The following TTC9C variants were observed in gnomAD, a reference collection of about 807,000 sequenced individuals.
TTC9C encodes tetratricopeptide repeat protein 9C.
In TTC9C, 15 loss-of-function variants were observed where a neutral mutation model predicts 22.5. The observed-to-expected ratio is 0.67, with a 90% CI of 0.45 to 1.03. The LOEUF (loss-of-function observed/expected upper bound fraction) is 1.03, where lower values mean the gene tolerates loss of function less well. Among genes scored for constraint, TTC9C ranks in the 50% least tolerant of loss-of-function variants. The pLI is 0.00. For synonymous variants in TTC9C, 92 were observed against 86.8 expected, an observed-to-expected ratio of 1.06 and a Z score of -0.33; for missense variants, 244 against 214.6, an observed-to-expected ratio of 1.14 and a Z score of -0.86.
At chr11:62,733,686 T>C (rs2083878097) in intron 1 of TTC9C, among the ~76,000 whole-genome samples, 1 of 151,852 alleles carries the variant, frequency 6.6e-6, no homozygotes, top group South Asian at 2.1e-4. Flanking sequence ...TCACTGCATA[T>C]CTAATTTTAT....
At chr11:62,734,562 T>C (rs2083888951) in intron 1 of TTC9C, among the ~76,000 whole-genome samples, 1 of 152,186 alleles carries the variant, frequency 6.6e-6, no homozygotes. Context: ...GCCTAGCTGA[T>C]GAGTGAGACT....
intron 2 of TTC9C, chr11:62,735,785 G>A (rs1237799107): frequency 3.0e-6 from 2 of 668,194 alleles, no homozygotes; most frequent in Non-Finnish European, 4.5e-6. Context: ...TTCATGTGTA[G>A]GGGGTTGATG....
chr11:62,731,729 G>A (rs988767134), intron 1 of TTC9C, among the ~76,000 whole-genome samples: 2 of 149,414 alleles, frequency 1.3e-5, no homozygotes, highest in Non-Finnish European at 3.0e-5. Context: ...TTGCTCTGTC[G>A]CCCAGGCTGG....
At chr11:62,735,361 T>G in intron 1 of TTC9C, 21 bp from the exon 2 acceptor site, 1 of 1,612,034 alleles carries the variant, frequency 6.2e-7, no homozygotes, top group Non-Finnish European at 8.5e-7. Flanking sequence ...ACCTCTTCTC[T>G]CTTTTCATTT....
upstream of TTC9C, chr11:62,728,411 T>G (rs990630198): frequency 1.4e-5 from 6 of 414,532 alleles, no homozygotes; most frequent in Non-Finnish European, 2.4e-5. Context: ...CCCTCTGGAG[T>G]TTTAGCACTA....
chr11:62,738,331 C>A lies in TTC9C; in HGVS notation c.465C>A (p.Leu155=), dbSNP rs370287774. 12 of 1,613,258 alleles carry A rather than the reference C, an allele frequency of 7.4e-6. No individual in the cohort carries two copies. Among genetic ancestry groups the A allele is most frequent in the Non-Finnish European group, 1.0e-5 (12 of 1,179,572 alleles). The change falls in exon 3 of 3, where the codon CTC becomes CTA. Residue 155 remains leucine, a synonymous_variant. Transcript: ENST00000316461. ...RRYLQLTQSE[L]SSYHRKEKQL... ...ACCTCCAGCTGACACAGTCAGAACT[C>A]AGCAGCTACCATAGAAAAGAGAAGC... is the stretch of plus-strand genomic sequence containing the variant.
At chr11:62,730,989 A>T (rs961195725) in intron 1 of TTC9C, among the ~76,000 whole-genome samples, 2 of 151,882 alleles carry the variant, frequency 1.3e-5, no homozygotes, top group African/African-American at 4.8e-5. Context: ...TCCAGGTTCA[A>T]GCGATTCTCC....
intron 1 of TTC9C, among the ~76,000 whole-genome samples, chr11:62,733,584 T>G (rs966524246): frequency 9.9e-5 from 15 of 152,254 alleles, no homozygotes; most frequent in Non-Finnish European, 2.2e-4. Flanking sequence ...GTTAGTTTGT[T>G]TTTTAAAAAA....
chr11:62,732,483 G>C (rs1238269463), intron 1 of TTC9C, among the ~76,000 whole-genome samples: 2 of 152,064 alleles, frequency 1.3e-5, no homozygotes, highest in East Asian at 1.9e-4. Context: ...GGTGGTGCAT[G>C]CCTGTAATCG....
chr11:62,728,758 T>C lies in TTC9C; in HGVS notation c.-91T>C. 7.8e-7 allele frequency: 1 copy of C among 1,274,840 alleles called. No individual in the cohort carries two copies. Among genetic ancestry groups the C allele is most frequent in the East Asian group, 2.4e-5 (1 of 42,396 alleles). 79.0% of individuals were successfully genotyped at this position (1,274,840 alleles called of 1,614,324 possible). A position where few individuals can be genotyped will look rare whatever the true frequency, so the allele number is the denominator to read the frequency against. ...AAGGGTAATTTCCTGCCTCCTTAAA[T>C]TGGCTGCTACTGTCAGTTATTTTGC... On this transcript the variant is annotated 5_prime_UTR_variant, in exon 1 of 3. Transcript: ENST00000316461.
chr11:62,728,713 TG>T lies in TTC9C; in HGVS notation c.-130del. The T allele has an allele frequency of 3.6e-6, 3 of 841,954 alleles. No homozygotes were observed. Among genetic ancestry groups the T allele is most frequent in the South Asian group, 1.4e-5 (1 of 69,792 alleles). 52.2% of individuals were successfully genotyped at this position (841,954 alleles called of 1,614,324 possible). ...GAAACAAGCAAACCGCAGGTCCCTG[TG>T]GGGGGACTCTCCAGGAAGAAGGGTA... On this transcript the variant is annotated 5_prime_UTR_variant, in exon 1 of 3. Coordinates refer to ENST00000316461, the MANE Select transcript of TTC9C (RefSeq NM_173810.4).
At chr11:62,731,109 G>T (rs951724098) in intron 1 of TTC9C, among the ~76,000 whole-genome samples, 1 of 145,204 alleles carries the variant, frequency 6.9e-6, no homozygotes, top group East Asian at 2.1e-4. Flanking sequence ...GGCTGGTCTC[G>T]AGCTCCTGAC....
At position 62,738,527 on chromosome 11, in the gene TTC9C, A is replaced by T; in HGVS notation, c.*145A>T. Reference sequence around the variant, plus strand: ...TTTCTAGTTCTGCACAAACTTCACTACTTAGACAGTCTGAGTCTTTTTCTG... The same window carrying T: ...TTTCTAGTTCTGCACAAACTTCACTTCTTAGACAGTCTGAGTCTTTTTCTG... On this transcript the variant is annotated 3_prime_UTR_variant, in exon 3 of 3. Coordinates refer to ENST00000316461, the MANE Select transcript of TTC9C (RefSeq NM_173810.4). The T allele has an allele frequency of 1.8e-6, 1 of 564,014 alleles. No homozygotes were observed. The highest frequency in any genetic ancestry group is 3.2e-6 in the Non-Finnish European group (1 of 315,372). The allele number at this position is 564,014 out of a possible 1,614,324, so 34.9% of individuals were successfully genotyped here. A position where few individuals can be genotyped will look rare whatever the true frequency, so the allele number is the denominator to read the frequency against.
At chr11:62,733,339 G>T in intron 1 of TTC9C, 1 of 368,678 alleles carries the variant, frequency 2.7e-6, no homozygotes, top group Non-Finnish European at 4.8e-6. Context: ...TAAGATCTTA[G>T]ACAAGTTATT....
chr11:62,728,782 G>A lies in TTC9C; in HGVS notation c.-67G>A. 4 of 1,515,846 alleles carry A rather than the reference G, an allele frequency of 2.6e-6. No homozygotes were observed. In the Admixed American group the frequency reaches 6.8e-5, roughly 26 times the overall value. 93.9% of individuals were successfully genotyped at this position (1,515,846 alleles called of 1,614,324 possible). On this transcript the variant is annotated 5_prime_UTR_variant, in exon 1 of 3. Coordinates refer to ENST00000316461, the MANE Select transcript of TTC9C (RefSeq NM_173810.4). ...ATTGGCTGCTACTGTCAGTTATTTT[G>A]CTCCCAACCCCAGAGCTTCACTTGC...
intron 1 of TTC9C, among the ~76,000 whole-genome samples, chr11:62,731,061 G>C (rs919819691): frequency 2.0e-5 from 3 of 151,024 alleles, no homozygotes; most frequent in African/African-American, 7.3e-5. Flanking sequence ...GCTAATTTTG[G>C]TATTTTTAGT....
chr11:62,733,948 C>G (rs532031790), intron 1 of TTC9C, among the ~76,000 whole-genome samples: 4 of 152,004 alleles, frequency 2.6e-5, no homozygotes, highest in African/African-American at 9.7e-5. Flanking sequence ...GCCAAGATCA[C>G]GCTACTGCAC....
In TTC9C at chr11:62,729,078, A is replaced by C. The variant is rs1258564668; in HGVS notation, c.230A>C (p.Asn77Thr). 2 of 1,613,756 alleles carry C rather than the reference A, an allele frequency of 1.2e-6. No individual in the cohort carries two copies. The highest frequency in any genetic ancestry group is 1.1e-5 in the South Asian group (1 of 91,066). ...LHTTQTDCYN[N>T]LAACLLQMEP... Reference sequence around the variant, plus strand: ...ACCACCCAGACAGACTGCTATAACAATCTAGCTGGTAAGAACGGGGCTAAA... The same window carrying C: ...ACCACCCAGACAGACTGCTATAACACTCTAGCTGGTAAGAACGGGGCTAAA... Residue 77 changes from asparagine to threonine, a missense_variant, in exon 1 of 3, where the codon AAT becomes ACT. Physicochemically the swap from Asn to Thr is moderately conservative, Grantham distance 65. Transcript: ENST00000316461.
chr11:62,730,554 C>G (rs1044067911), intron 1 of TTC9C, among the ~76,000 whole-genome samples: 1 of 152,124 alleles, frequency 6.6e-6, no homozygotes, highest in African/African-American at 2.4e-5. Flanking sequence ...AAACTCACCT[C>G]GAGGCCCCAG....
Sources: allele counts gnomAD v4.1 joint callset (sites outside exome capture counted in the v4.1 genomes callset), GRCh38; gene constraint gnomAD v4.1.1; transcripts MANE v1.5; gene names NCBI Gene and HGNC (gene_info 2026-07-23, HGNC 2026-07-21).